The following MLLT3 variants were observed in gnomAD, a reference collection of about 807,000 sequenced individuals.
MLLT3 encodes MLLT3 super elongation complex subunit, also known as protein AF-9.
MLLT3 carries 4 observed loss-of-function variants against 53.2 expected under a neutral mutation model. The ratio of observed to expected loss-of-function variants is 0.08; its 90% CI spans 0.04 to 0.17. MLLT3 has a LOEUF of 0.17. Among genes scored for constraint, MLLT3 ranks in the 10% least tolerant of loss-of-function variants. The probability of loss-of-function intolerance (pLI) is 1.00; values close to 1 mark genes in which losing one functional copy is unlikely to be tolerated. For missense variants in MLLT3, 569 were observed against 684.0 expected (o/e 0.83, Z 1.87); for synonymous variants, 283 against 230.6 (o/e 1.23, Z -2.06).
chr9:20,571,813 A>C (rs987205708), intron 2 of MLLT3, among the ~76,000 whole-genome samples: 3 of 152,246 alleles, frequency 2.0e-5, no homozygotes, highest in Non-Finnish European at 4.4e-5. Context: ...TGCAAATTAA[A>C]ACCACAATAA....
chr9:20,622,032 AGTGTGTGT>A (rs924456511), intron 1 of MLLT3: 1 of 685,852 alleles, frequency 1.5e-6, no homozygotes, highest in Non-Finnish European at 1.7e-6. Context: ...AGCGTGTGTG[AGTGTGTGT>A]GTGTCTGTGT....
At chr9:20,421,483 G>C (rs1823007337) in intron 4 of MLLT3, among the ~76,000 whole-genome samples, 1 of 152,006 alleles carries the variant, frequency 6.6e-6, no homozygotes, top group Non-Finnish European at 1.5e-5. Flanking sequence ...TTGAGAAACT[G>C]GGAAAAGATC....
chr9:20,516,506 T>C (rs868664018), intron 2 of MLLT3, among the ~76,000 whole-genome samples: 17 of 152,238 alleles, frequency 1.1e-4, no homozygotes, highest in Admixed American at 2.6e-4. Flanking sequence ...AGGAATGCTA[T>C]TGATGCTATT....
chr9:20,602,988 T>A (rs1820469229), intron 2 of MLLT3, among the ~76,000 whole-genome samples: 1 of 152,108 alleles, frequency 6.6e-6, no homozygotes, highest in Non-Finnish European at 1.5e-5. Context: ...GAATTAAAAG[T>A]AGATATGATA....
chr9:20,533,844 C>A (rs956474311), intron 2 of MLLT3, among the ~76,000 whole-genome samples: 1 of 152,166 alleles, frequency 6.6e-6, no homozygotes, highest in Non-Finnish European at 1.5e-5. Flanking sequence ...CCTAAAAACG[C>A]TGAAGTCATA....
At chr9:20,424,610 CA>C (rs749707603) in intron 4 of MLLT3, among the ~76,000 whole-genome samples, 1 of 152,096 alleles carries the variant, frequency 6.6e-6, no homozygotes, top group Non-Finnish European at 1.5e-5. Flanking sequence ...TACACAAAAA[CA>C]GGCAGCAATA....
chr9:20,499,446 T>C (rs1009064888), intron 2 of MLLT3, among the ~76,000 whole-genome samples: 1 of 152,180 alleles, frequency 6.6e-6, no homozygotes, highest in Admixed American at 6.5e-5. Flanking sequence ...CATCTTCCTC[T>C]CAATTTTGCT....
Position 20,459,508 on chromosome 9 carries a change from C to T in MLLT3, c.194-2722G>A, listed in dbSNP as rs1824056482. Among the ~76,000 whole-genome samples the T allele has an allele frequency of 2.0e-5, 3 of 152,328 alleles. No individual in the cohort carries two copies. In the South Asian group the frequency reaches 6.2e-4, roughly 32 times the overall value. On this transcript the variant is annotated intron_variant, in intron 2 of 10. Transcript: ENST00000380338. ...CAGGCTGCAAAGCCCCTTTTCAGAACAGCAATTTCAGTGTCAGGTTGCTTG... is the reference window on the plus strand; with the variant it reads ...CAGGCTGCAAAGCCCCTTTTCAGAATAGCAATTTCAGTGTCAGGTTGCTTG...
chr9:20,612,283 C>T (rs1820722002), intron 2 of MLLT3, among the ~76,000 whole-genome samples: 1 of 152,240 alleles, frequency 6.6e-6, no homozygotes, highest in Admixed American at 6.5e-5. Context: ...GATGAAGAAT[C>T]TCAAGTGTCC....
intron 2 of MLLT3, among the ~76,000 whole-genome samples, chr9:20,554,497 G>A (rs111887571): frequency 6.6e-6 from 1 of 152,084 alleles, no homozygotes; most frequent in Non-Finnish European, 1.5e-5. Context: ...TATACTCACA[G>A]AATGTTACAA....
chr9:20,390,352 A>C (rs1348511265), intron 5 of MLLT3, among the ~76,000 whole-genome samples: 2 of 152,220 alleles, frequency 1.3e-5, no homozygotes, highest in Admixed American at 1.3e-4. Context: ...CGAAAAAGAG[A>C]AAGTAGCACT....
At chr9:20,362,267 G>C in intron 7 of MLLT3, among the ~76,000 whole-genome samples, 1 of 152,136 alleles carries the variant, frequency 6.6e-6, no homozygotes, top group South Asian at 2.1e-4. Context: ...CAATAAGTAG[G>C]TGGGCAACAA....
intron 4 of MLLT3, among the ~76,000 whole-genome samples, chr9:20,432,791 C>T (rs1320299389): frequency 6.6e-6 from 1 of 152,104 alleles, no homozygotes; most frequent in African/African-American, 2.4e-5. Context: ...TTATTTCCAT[C>T]CTTCACAAAA....
chr9:20,346,727 T>C (rs1023955155), intron 10 of MLLT3, among the ~76,000 whole-genome samples, 153 bp from the exon 11 acceptor site: 9 of 152,166 alleles, frequency 5.9e-5, no homozygotes, highest in African/African-American at 1.9e-4. Context: ...CATTAAACTG[T>C]CTCAGTCAAC....
intron 2 of MLLT3, among the ~76,000 whole-genome samples, chr9:20,571,207 A>G: frequency 6.6e-6 from 1 of 152,238 alleles, no homozygotes. Flanking sequence ...AAAGCTTTTA[A>G]CTTTCCAACA....
chr9:20,507,789 T>G (rs976022192), intron 2 of MLLT3, among the ~76,000 whole-genome samples: 5 of 120,262 alleles, frequency 4.2e-5, no homozygotes, highest in African/African-American at 1.7e-4. Context: ...AATAGATAAA[T>G]CAATTGGCTC....
intron 8 of MLLT3, among the ~76,000 whole-genome samples, chr9:20,355,938 G>GT (rs1821161167): frequency 6.6e-6 from 1 of 152,296 alleles, no homozygotes; most frequent in East Asian, 1.9e-4. Flanking sequence ...TTAAGAATGA[G>GT]TCCACTTTTA....
intron 5 of MLLT3, among the ~76,000 whole-genome samples, chr9:20,368,658 G>A (rs986414832): frequency 2.0e-5 from 3 of 152,128 alleles, no homozygotes; most frequent in African/African-American, 7.2e-5. Context: ...CATAAATAAG[G>A]TTAATAATTC....
intron 4 of MLLT3, among the ~76,000 whole-genome samples, chr9:20,420,069 A>G (rs1337504367): frequency 6.6e-6 from 1 of 151,512 alleles, no homozygotes; most frequent in African/African-American, 2.4e-5. Flanking sequence ...TTAAAGTGGA[A>G]TAAAAATTGG....
Sources: gnomAD v4.1 joint callset for allele counts (sites outside exome capture counted in the v4.1 genomes callset) on GRCh38, gnomAD v4.1.1 for gene constraint, MANE v1.5 for transcripts, NCBI Gene and HGNC (gene_info 2026-07-23, HGNC 2026-07-21) for gene names.